JAKMIP2: variants seen among roughly 807,000 people sequenced by gnomAD.
The protein encoded by JAKMIP2 is janus kinase and microtubule interacting protein 2, also known as janus kinase and microtubule-interacting protein 2.
A neutral mutation model predicts 115.0 loss-of-function variants in JAKMIP2; 25 were observed. The observed-to-expected ratio is 0.22, with a 90% CI of 0.16 to 0.30. The LOEUF (loss-of-function observed/expected upper bound fraction) is 0.30. Among genes scored for constraint, JAKMIP2 ranks in the 10% least tolerant of loss-of-function variants. The probability of loss-of-function intolerance (pLI) is 1.00; values close to 1 mark genes in which losing one functional copy is unlikely to be tolerated. For synonymous variants in JAKMIP2, 334 were observed against 343.6 expected, an observed-to-expected ratio of 0.97 and a Z score of 0.31; for missense variants, 642 against 957.6, an observed-to-expected ratio of 0.67 and a Z score of 4.35.
chr5:147,696,413 G>A (rs773113031), intron 1 of JAKMIP2, among the ~76,000 whole-genome samples: 3 of 152,052 alleles, frequency 2.0e-5, no homozygotes, highest in Admixed American at 6.6e-5. Context: ...TCTCTGTGCC[G>A]CCATGCAAAG....
At chr5:147,653,472 C>CT (rs956246370) in intron 3 of JAKMIP2, among the ~76,000 whole-genome samples, 5 of 148,538 alleles carry the variant, frequency 3.4e-5, no homozygotes, top group East Asian at 2.0e-4. Flanking sequence ...AGATGATGAG[C>CT]TTTTTTTTTT....
At chr5:147,612,140 G>C (rs754005567) in intron 20 of JAKMIP2, 166 bp downstream of exon 20, 2 of 740,460 alleles carry the variant, frequency 2.7e-6, no homozygotes, top group Admixed American at 3.4e-5. Flanking sequence ...CAGACGCTTT[G>C]CTGGCATTCT....
chr5:147,779,791 G>A (rs1452679246), intron 1 of JAKMIP2, among the ~76,000 whole-genome samples: 1 of 152,106 alleles, frequency 6.6e-6, no homozygotes, highest in Non-Finnish European at 1.5e-5. Context: ...GAAAAAGCAA[G>A]AGAAGTTCTT....
chr5:147,646,674 C>CAT (rs980238923), intron 5 of JAKMIP2, among the ~76,000 whole-genome samples: 19 of 150,166 alleles, frequency 1.3e-4, no homozygotes, highest in African/African-American at 2.4e-4. Flanking sequence ...GTTATAAATA[C>CAT]ATATATATAT....
At chr5:147,749,012 C>T (rs1187309236) in intron 1 of JAKMIP2, among the ~76,000 whole-genome samples, 1 of 152,160 alleles carries the variant, frequency 6.6e-6, no homozygotes, top group African/African-American at 2.4e-5. Context: ...GACAACGAAC[C>T]TCGGTTATTA....
intron 2 of JAKMIP2, among the ~76,000 whole-genome samples, chr5:147,667,448 CA>C (rs1419754744): frequency 6.6e-6 from 1 of 151,970 alleles, no homozygotes; most frequent in Non-Finnish European, 1.5e-5. Flanking sequence ...ATTTGAGCTT[CA>C]AAAGTGATCT....
intron 1 of JAKMIP2, among the ~76,000 whole-genome samples, chr5:147,673,699 C>G (rs1327331204): frequency 1.3e-5 from 2 of 151,952 alleles, no homozygotes; most frequent in Non-Finnish European, 2.9e-5. Context: ...TCTTTTTTTG[C>G]TTTTAGTCTT....
intron 1 of JAKMIP2, among the ~76,000 whole-genome samples, chr5:147,701,741 A>T (rs1464668469): frequency 6.6e-6 from 1 of 152,190 alleles, no homozygotes; most frequent in Non-Finnish European, 1.5e-5. Context: ...CCCTTCTGCC[A>T]TGTGAGGATG....
intron 1 of JAKMIP2, among the ~76,000 whole-genome samples, chr5:147,675,910 A>T (rs1759924481): frequency 6.6e-6 from 1 of 150,428 alleles, no homozygotes. Flanking sequence ...TATTGTAGGG[A>T]TAAACTGCAT....
intron 1 of JAKMIP2, among the ~76,000 whole-genome samples, chr5:147,725,921 G>T (rs1160293780): frequency 6.6e-6 from 1 of 152,112 alleles, no homozygotes; most frequent in African/African-American, 2.4e-5. Context: ...TTTTTCTCTG[G>T]AAAGGGAGAA....
At chr5:147,743,471 G>T (rs767430261) in intron 1 of JAKMIP2, among the ~76,000 whole-genome samples, 1 of 152,140 alleles carries the variant, frequency 6.6e-6, no homozygotes, top group South Asian at 2.1e-4. Flanking sequence ...TTATAGCCCT[G>T]TTATTTTTAA....
chr5:147,769,375 T>A (rs1369953463), intron 1 of JAKMIP2, among the ~76,000 whole-genome samples: 1 of 152,102 alleles, frequency 6.6e-6, no homozygotes, highest in African/African-American at 2.4e-5. Flanking sequence ...TGTGCCTACC[T>A]CCTAAAGGGA....
At chr5:147,725,097 C>T (rs535851780) in intron 1 of JAKMIP2, among the ~76,000 whole-genome samples, 3 of 152,222 alleles carry the variant, frequency 2.0e-5, no homozygotes, top group Middle Eastern at 3.4e-3. Context: ...GTCCTCATTG[C>T]TCATTATACA....
chr5:147,732,145 G>T (rs952476766), intron 1 of JAKMIP2, among the ~76,000 whole-genome samples: 8 of 152,140 alleles, frequency 5.3e-5, no homozygotes, highest in African/African-American at 1.9e-4. Context: ...AAGAAAGGTG[G>T]TAAATACAGA....
At chr5:147,654,640 G>C (rs1561517141) in intron 3 of JAKMIP2, among the ~76,000 whole-genome samples, 1 of 152,090 alleles carries the variant, frequency 6.6e-6, no homozygotes, top group Non-Finnish European at 1.5e-5. Context: ...TCTAAATACA[G>C]AATCACGTCA....
intron 1 of JAKMIP2, among the ~76,000 whole-genome samples, chr5:147,708,478 A>G (rs1752662069): frequency 6.6e-6 from 1 of 152,224 alleles, no homozygotes; most frequent in Admixed American, 6.5e-5. Context: ...GTCACGTAGA[A>G]GGAGAAACAG....
chr5:147,706,597 G>T (rs1345044815), intron 1 of JAKMIP2, among the ~76,000 whole-genome samples: 1 of 152,116 alleles, frequency 6.6e-6, no homozygotes, highest in African/African-American at 2.4e-5. Flanking sequence ...CTATGAAGTA[G>T]CACTAGAAAT....
At chr5:147,661,531 T>C (rs1758974659) in intron 2 of JAKMIP2, 86 bp from the exon 3 acceptor site, 1 of 1,354,512 alleles carries the variant, frequency 7.4e-7, no homozygotes, top group Non-Finnish European at 1.0e-6. Context: ...CTCAGGCCGC[T>C]GTGATCTCTT....
chr5:147,672,097 G>T (rs1759635367), intron 1 of JAKMIP2, 143 bp from the exon 2 acceptor site: 1 of 337,570 alleles, frequency 3.0e-6, no homozygotes, highest in Non-Finnish European at 4.6e-6. Flanking sequence ...ACTTGTACGT[G>T]AGTTTAGAGT....
Sources: gnomAD v4.1 joint callset for allele counts (sites outside exome capture counted in the v4.1 genomes callset) on GRCh38, gnomAD v4.1.1 for gene constraint, MANE v1.5 for transcripts, NCBI Gene and HGNC (gene_info 2026-07-23, HGNC 2026-07-21) for gene names.